VSTM1: variants seen among roughly 807,000 people sequenced by gnomAD.
VSTM1 encodes the protein V-set and transmembrane domain-containing protein 1.
VSTM1 carries 27 observed loss-of-function variants against 33.1 expected under a neutral mutation model. That is an observed-to-expected ratio of 0.82 (90% CI 0.60 to 1.12). The LOEUF (loss-of-function observed/expected upper bound fraction) is 1.12, where lower values mean the gene tolerates loss of function less well. VSTM1 is among the 50% of genes most tolerant of loss of function. The pLI, the probability that VSTM1 is intolerant of heterozygous loss-of-function variation, is 0.00. For synonymous variants in VSTM1, 115 were observed against 110.3 expected, an observed-to-expected ratio of 1.04 and a Z score of -0.27; for missense variants, 304 against 288.9, an observed-to-expected ratio of 1.05 and a Z score of -0.38.
intron 1 of VSTM1, among the ~76,000 whole-genome samples, chr19:54,063,157 G>A (rs895711719): frequency 6.6e-6 from 1 of 151,986 alleles, no homozygotes; most frequent in East Asian, 1.9e-4. Context: ...GACCAACATG[G>A]TGAAACCCCG....
intron 4 of VSTM1, among the ~76,000 whole-genome samples, chr19:54,048,952 C>T (rs990202310): frequency 1.3e-5 from 2 of 152,008 alleles, no homozygotes; most frequent in Non-Finnish European, 2.9e-5. Context: ...GGCATGGTGA[C>T]GGGCGCCTGT....
intron 3 of VSTM1, among the ~76,000 whole-genome samples, chr19:54,056,417 C>T (rs1443657743): frequency 7.3e-6 from 1 of 137,310 alleles, no homozygotes; most frequent in Non-Finnish European, 1.6e-5. Context: ...GATGGAGTTT[C>T]GCCATGTTAC....
At chr19:54,051,112 T>A (rs1402141489) in intron 4 of VSTM1, among the ~76,000 whole-genome samples, 2 of 151,498 alleles carry the variant, frequency 1.3e-5, no homozygotes, top group Non-Finnish European at 2.9e-5. Context: ...GCCAACATGG[T>A]GAAACCCCGT....
At chr19:54,051,566 T>C (rs2146089697) in intron 3 of VSTM1, 118 bp from the exon 4 acceptor site, 1 of 734,648 alleles carries the variant, frequency 1.4e-6, no homozygotes, top group Non-Finnish European at 2.2e-6. Flanking sequence ...GAAAAGAGAA[T>C]GGCTTCTCCA....
At position 54,042,285 on chromosome 19, in the gene VSTM1, C is replaced by T. The variant is rs761801949; in HGVS notation, c.479G>A (p.Ser160Asn). The T allele has an allele frequency of 6.2e-7, 1 of 1,613,868 alleles. No individual in the cohort carries two copies. Among genetic ancestry groups the T allele is most frequent in the Non-Finnish European group, 8.5e-7 (1 of 1,179,990 alleles). Reference protein sequence around the residue: ...FLSVFIIYRCSQHSSSSEEST... With the variant: ...FLSVFIIYRCNQHSSSSEEST... ...GCGTTCTCTGAGCTCACTGTGCTGG[C>T]TGCATCTGTAGATGATGAAGACTGA... The change falls in exon 5 of 9, where the codon AGC becomes AAC. Residue 160 changes from serine (S) to asparagine (N), a missense_variant. By Grantham distance (46) the Ser-to-Asn change is conservative (BLOSUM62 1). Transcript: ENST00000338372.
chr19:54,044,193 A>G (rs1399534449), intron 4 of VSTM1, among the ~76,000 whole-genome samples: 1 of 152,202 alleles, frequency 6.6e-6, no homozygotes, highest in East Asian at 1.9e-4. Context: ...TCCCCAAGAC[A>G]CAGAACAAGG....
At chr19:54,061,552 G>A (rs183005653) in intron 1 of VSTM1, among the ~76,000 whole-genome samples, 1 of 152,258 alleles carries the variant, frequency 6.6e-6, no homozygotes, top group East Asian at 1.9e-4. Flanking sequence ...GAGAGGCCAG[G>A]CTGCAATCAT....
At chr19:54,044,830 G>A (rs1284259241) in intron 4 of VSTM1, among the ~76,000 whole-genome samples, 3 of 152,144 alleles carry the variant, frequency 2.0e-5, no homozygotes, top group African/African-American at 7.2e-5. Context: ...AAAGCTAGGC[G>A]ACAGAGTCCA....
At chr19:54,062,342 C>T (rs2071432875) in intron 1 of VSTM1, among the ~76,000 whole-genome samples, 1 of 152,120 alleles carries the variant, frequency 6.6e-6, no homozygotes, top group Non-Finnish European at 1.5e-5. Context: ...GGTATGGCAG[C>T]CATTGGGGGA....
At chr19:54,058,265 A>C in intron 3 of VSTM1, 41 bp downstream of exon 3, 1 of 1,569,540 alleles carries the variant, frequency 6.4e-7, no homozygotes, top group Non-Finnish European at 8.7e-7. Flanking sequence ...AAGCCAAACC[A>C]AAGAAATGTG....
At chr19:54,060,009 A>G (rs371109968) in intron 1 of VSTM1, among the ~76,000 whole-genome samples, 7,393 of 149,262 alleles carry the variant, frequency 0.05, 244 homozygotes, top group Admixed American at 0.091. Flanking sequence ...CACCAAGCCC[A>G]GCTAATTAAT....
chr19:54,046,589 C>T (rs1195441526), intron 4 of VSTM1, among the ~76,000 whole-genome samples: 1 of 152,044 alleles, frequency 6.6e-6, no homozygotes, highest in Non-Finnish European at 1.5e-5. Context: ...TGTTCCTCAA[C>T]CCATGTTCCC....
At chr19:54,051,029 C>T (rs1357940020) in intron 4 of VSTM1, among the ~76,000 whole-genome samples, 6 of 151,542 alleles carry the variant, frequency 4.0e-5, no homozygotes, top group Non-Finnish European at 7.4e-5. Context: ...TGCGGTGGCT[C>T]ACGCCTGTAA....
intron 4 of VSTM1, among the ~76,000 whole-genome samples, chr19:54,043,134 A>C (rs1383886698): frequency 6.6e-6 from 1 of 151,994 alleles, no homozygotes; most frequent in Non-Finnish European, 1.5e-5. Flanking sequence ...TTGGAGCTGG[A>C]CATTTCGACC....
intron 3 of VSTM1, among the ~76,000 whole-genome samples, chr19:54,051,989 G>A (rs1005669021): frequency 1.3e-5 from 2 of 151,966 alleles, no homozygotes; most frequent in African/African-American, 4.8e-5. Flanking sequence ...TCAAACTCCT[G>A]GCCTCAAGTG....
At position 54,042,776 on chromosome 19, in the gene VSTM1, G is replaced by GTA. The variant is rs1368401065; in HGVS notation, c.395-409_395-408dup. ...TGTGTGTGTATATATATATATAAAT[G>GTA]TATATATATGTGTGTGTATATATAA... On this transcript the variant is annotated intron_variant, in intron 4 of 8. Coordinates refer to ENST00000338372, the MANE Select transcript of VSTM1 (RefSeq NM_198481.4). Among the ~76,000 whole-genome samples, 12 of 95,680 alleles carry GTA rather than the reference G, an allele frequency of 1.3e-4. No individual in the cohort carries two copies. In the South Asian group the frequency reaches 3.1e-3, roughly 25 times the overall value. 62.8% of individuals were successfully genotyped at this position (95,680 alleles called of 152,430 possible).
At chr19:54,056,716 C>A (rs1260910806) in intron 3 of VSTM1, among the ~76,000 whole-genome samples, 2 of 140,598 alleles carry the variant, frequency 1.4e-5, no homozygotes, top group Non-Finnish European at 3.1e-5. Flanking sequence ...TTACCATACC[C>A]CAATTTTCTA....
At chr19:54,045,843 T>G (rs1452923313) in intron 4 of VSTM1, among the ~76,000 whole-genome samples, 3 of 152,146 alleles carry the variant, frequency 2.0e-5, no homozygotes, top group Non-Finnish European at 4.4e-5. Context: ...CATCTATCTA[T>G]CTAATCTATC....
At position 54,045,794 on chromosome 19, in the gene VSTM1, T is replaced by G. The variant is rs148966274; in HGVS notation, c.395-3425A>C. Among the ~76,000 whole-genome samples, 632 of 152,284 alleles carry G rather than the reference T, an allele frequency of 4.2e-3. 6 individuals are homozygous for G. Among genetic ancestry groups the G allele is most frequent in the African/African-American group, 0.012 (508 of 41,580 alleles). ...ATCTGTGTATCTGTATATCTATCTA[T>G]CTATCTAGCTAGCTTTATCTAGCTA... On this transcript the variant is annotated intron_variant, in intron 4 of 8. Coordinates refer to ENST00000338372, the MANE Select transcript of VSTM1 (RefSeq NM_198481.4).
Sources: allele counts gnomAD v4.1 joint callset (sites outside exome capture counted in the v4.1 genomes callset), GRCh38; gene constraint gnomAD v4.1.1; transcripts MANE v1.5; gene names NCBI Gene and HGNC (gene_info 2026-07-23, HGNC 2026-07-21).